Variants in MICU3 observed in about 807,000 individuals in gnomAD.
MICU3 encodes mitochondrial calcium uptake 3, also known as calcium uptake protein 3, mitochondrial.
Under a neutral mutation model 66.5 loss-of-function variants are expected in MICU3, and 62 were observed. The observed-to-expected ratio is 0.93, with a 90% CI of 0.76 to 1.15. The LOEUF (loss-of-function observed/expected upper bound fraction) is 1.15. MICU3 is among the 50% of genes most tolerant of loss of function. The pLI is 0.00. For missense variants in MICU3, 779 were observed against 664.4 expected (o/e 1.17, Z -1.90); for synonymous variants, 308 against 240.7 (o/e 1.28, Z -2.59).
chr8:17,125,127 G>GGGTAT (rs1216329497), downstream of MICU3, among the ~76,000 whole-genome samples: 189 of 62,064 alleles, frequency 3.0e-3, no homozygotes, highest in Non-Finnish European at 4.2e-3. Context: ...AATCTCCTAT[G>GGGTAT]AGTATAGCCT....
intron 13 of MICU3, among the ~76,000 whole-genome samples, chr8:17,116,894 AAAT>A (rs1316128735): frequency 6.6e-6 from 1 of 152,204 alleles, no homozygotes; most frequent in Non-Finnish European, 1.5e-5. Context: ...TATTTTCAAA[AAAT>A]TTAGTCTGCA....
At chr8:17,053,413 A>G (rs1241998835) in intron 1 of MICU3, among the ~76,000 whole-genome samples, 2 of 152,172 alleles carry the variant, frequency 1.3e-5, no homozygotes, top group Admixed American at 6.6e-5. Flanking sequence ...TGCCTTGGCA[A>G]TGAACCTTTG....
intron 1 of MICU3, among the ~76,000 whole-genome samples, chr8:17,034,835 A>T (rs550115227): frequency 9.8e-5 from 15 of 152,348 alleles, no homozygotes; most frequent in Admixed American, 5.2e-4. Context: ...CCTGGTGAAG[A>T]TGCTGTGAAC....
intron 11 of MICU3, among the ~76,000 whole-genome samples, chr8:17,110,761 T>G (rs201317148): frequency 5.4e-5 from 8 of 149,176 alleles, no homozygotes; most frequent in South Asian, 2.2e-4. Context: ...AGAGACAGGG[T>G]TTTTTTTTGT....
rs755693949 is a variant in MICU3, at chr8:17,118,656, G to A, written c.1525-51G>A. Reference sequence around the variant, plus strand: ...AGATTCCACATGTAAGTGAAATCACGCTGTATTTGTCTTTCTGTACATTTG... The same window carrying A: ...AGATTCCACATGTAAGTGAAATCACACTGTATTTGTCTTTCTGTACATTTG... On this transcript the variant is annotated intron_variant, in intron 13 of 14. Transcript: ENST00000318063. 1.7e-5 allele frequency: 19 copies of A among 1,149,036 alleles called. No homozygotes were observed. In the East Asian group the frequency reaches 2.4e-4, roughly 15 times the overall value. 71.2% of individuals were successfully genotyped at this position (1,149,036 alleles called of 1,614,324 possible). A position where few individuals can be genotyped will look rare whatever the true frequency, so the allele number is the denominator to read the frequency against.
chr8:17,074,466 A>G (rs1053429910), intron 3 of MICU3, among the ~76,000 whole-genome samples: 1 of 152,108 alleles, frequency 6.6e-6, no homozygotes. Flanking sequence ...GCTCACTATA[A>G]TATATTAAAT....
rs1433226753 is a variant in MICU3, at chr8:17,027,606, C to G, written c.327C>G (p.Asp109Glu). The G allele has an allele frequency of 2.3e-6, 3 of 1,310,270 alleles. No homozygotes were observed. Among genetic ancestry groups the G allele is most frequent in the Non-Finnish European group, 2.9e-6 (3 of 1,033,982 alleles). The allele number at this position is 1,310,270 out of a possible 1,614,324, so 81.2% of individuals were successfully genotyped here. Residue 109 changes from aspartate to glutamate, a missense_variant, in exon 1 of 15, where the codon GAC (aspartate) becomes GAG (glutamate). Physicochemically the swap from Asp to Glu is conservative, Grantham distance 45 (BLOSUM62 2). Transcript: ENST00000318063. ...PSKSAATEPE[D>E]PPRGRGMLPI... Reference sequence around the variant, plus strand: ...AGAGCGCGGCCACGGAGCCCGAGGACCCGCCCCGCGGCCGGGGGATGCTGC... The same window carrying G: ...AGAGCGCGGCCACGGAGCCCGAGGAGCCGCCCCGCGGCCGGGGGATGCTGC...
chr8:17,104,497 C>T lies in MICU3; in HGVS notation c.1085+6C>T. On this transcript the variant is annotated splice_donor_region_variant and intron_variant, in intron 10 of 14. Transcript: ENST00000318063. ...AACTTTGAAGATTTTTATAGGTGAG[C>T]TTATTTTTATATTTTTATTAAAAAT... 7.4e-7 allele frequency: 1 copy of T among 1,357,780 alleles called. No individual in the cohort carries two copies. The highest frequency in any genetic ancestry group is 9.9e-7 in the Non-Finnish European group (1 of 1,012,486). 84.1% of individuals were successfully genotyped at this position (1,357,780 alleles called of 1,614,324 possible).
At chr8:17,039,997 T>C (rs1365013071) in intron 1 of MICU3, among the ~76,000 whole-genome samples, 1 of 125,194 alleles carries the variant, frequency 8.0e-6, no homozygotes, top group Non-Finnish European at 1.6e-5. Flanking sequence ...AACCTCCACC[T>C]CCCATGTTCA....
chr8:17,102,223 CAG>C (rs555098029), intron 9 of MICU3, among the ~76,000 whole-genome samples: 43 of 151,908 alleles, frequency 2.8e-4, no homozygotes, highest in African/African-American at 1.0e-3. Context: ...AGCTTCCAGA[CAG>C]AGGCGCCTCT....
At chr8:17,105,941 C>T (rs1368705454) in intron 11 of MICU3, among the ~76,000 whole-genome samples, 6 of 151,982 alleles carry the variant, frequency 3.9e-5, no homozygotes, top group African/African-American at 9.7e-5. Flanking sequence ...TTCTGTCACA[C>T]TCTATTCCTT....
At chr8:17,126,305 T>G (rs1803405103), downstream of MICU3, among the ~76,000 whole-genome samples, 1 of 152,152 alleles carries the variant, frequency 6.6e-6, no homozygotes, top group Admixed American at 6.5e-5. Flanking sequence ...CTATGGTCTA[T>G]GAGTTTATTA....
intron 11 of MICU3, among the ~76,000 whole-genome samples, chr8:17,110,350 T>A (rs1802082327): frequency 6.6e-6 from 1 of 152,182 alleles, no homozygotes; most frequent in Non-Finnish European, 1.5e-5. Flanking sequence ...AACTGCCACC[T>A]CTTTCTACTT....
intron 8 of MICU3, among the ~76,000 whole-genome samples, chr8:17,090,853 A>G (rs975807736): frequency 1.3e-5 from 2 of 152,088 alleles, no homozygotes; most frequent in Non-Finnish European, 2.9e-5. Context: ...ATAATAATTG[A>G]AATTTTATAT....
chr8:17,064,255 A>G lies in MICU3; in HGVS notation c.535+18A>G. The G allele has an allele frequency of 1.3e-6, 2 of 1,585,706 alleles. No homozygotes were observed. The highest frequency in any genetic ancestry group is 1.7e-6 in the Non-Finnish European group (2 of 1,165,386). Reference sequence around the variant, plus strand: ...GCCCAAAGGTAAGTACACTTTTGAAATTATCTTAATAATTGTATAATTTTT... The same window carrying G: ...GCCCAAAGGTAAGTACACTTTTGAAGTTATCTTAATAATTGTATAATTTTT... On this transcript the variant is annotated intron_variant, in intron 2 of 14. Transcript: ENST00000318063.
intron 8 of MICU3, among the ~76,000 whole-genome samples, chr8:17,097,989 T>C (rs1800894828): frequency 6.6e-6 from 1 of 151,780 alleles, no homozygotes; most frequent in Non-Finnish European, 1.5e-5. Flanking sequence ...ATTTAAACTT[T>C]GTTTCTGTAA....
the MICU3 span, among the ~76,000 whole-genome samples, chr8:17,129,422 TAA>T: frequency 6.6e-6 from 1 of 152,168 alleles, no homozygotes; most frequent in African/African-American, 2.4e-5. Context: ...GCATAATAGG[TAA>T]AGAGATGGTA....
At chr8:17,065,507 C>T (rs377486277) in intron 2 of MICU3, among the ~76,000 whole-genome samples, 4 of 152,158 alleles carry the variant, frequency 2.6e-5, no homozygotes, top group Admixed American at 6.5e-5. Context: ...AATTTCTGCT[C>T]TTTAAAAGAT....
intron 11 of MICU3, 73 bp downstream of exon 11, chr8:17,105,657 TGTTA>T (rs1241704299): frequency 3.0e-5 from 25 of 826,754 alleles, no homozygotes; most frequent in Non-Finnish European, 4.3e-5. Context: ...ATTGCCCTTT[TGTTA>T]GTTCTTTGGC....
Sources: allele counts gnomAD v4.1 joint callset (sites outside exome capture counted in the v4.1 genomes callset), GRCh38; gene constraint gnomAD v4.1.1; transcripts MANE v1.5; gene names NCBI Gene and HGNC (gene_info 2026-07-23, HGNC 2026-07-21).